KALRN: variants seen among roughly 807,000 people sequenced by gnomAD.
KALRN encodes kalirin.
KALRN carries 70 observed loss-of-function variants against 353.7 expected under a neutral mutation model. The observed-to-expected ratio is 0.20, with a 90% CI of 0.16 to 0.24. KALRN has a LOEUF of 0.24. Ranked by LOEUF, KALRN falls within the 10% of genes least tolerant of loss-of-function variation. The probability of loss-of-function intolerance (pLI) is 1.00; values close to 1 mark genes in which losing one functional copy is unlikely to be tolerated. For synonymous variants in KALRN, 1,391 were observed against 1,434.8 expected (o/e 0.97, Z 0.69); for missense variants, 2,791 against 3,756.7 (o/e 0.74, Z 6.72).
intron 18 of KALRN, among the ~76,000 whole-genome samples, chr3:124,439,964 T>C (rs904426625): frequency 1.3e-5 from 2 of 152,248 alleles, no homozygotes; most frequent in African/African-American, 4.8e-5. Flanking sequence ...CATGTTGCCA[T>C]TGATTTTATT....
chr3:124,444,635 C>CA (rs11370483), intron 19 of KALRN, among the ~76,000 whole-genome samples: 16,242 of 134,252 alleles, frequency 0.12, 1,125 homozygotes, highest in East Asian at 0.22. Context: ...CCCATCTCTA[C>CA]AAAAAAAAAA....
At chr3:124,139,149 T>C (rs2066311170) in intron 1 of KALRN, among the ~76,000 whole-genome samples, 1 of 152,108 alleles carries the variant, frequency 6.6e-6, no homozygotes, top group South Asian at 2.1e-4. Flanking sequence ...CTTTCTTTTT[T>C]CTCTTGGTTA....
intron 5 of KALRN, among the ~76,000 whole-genome samples, chr3:124,277,856 G>A (rs558204031): frequency 1.3e-5 from 2 of 152,324 alleles, no homozygotes; most frequent in South Asian, 4.1e-4. Flanking sequence ...CCATAGAACT[G>A]TGGACCCCTT....
chr3:124,711,471 G>A (rs1026974837), intron 57 of KALRN, among the ~76,000 whole-genome samples: 1 of 152,162 alleles, frequency 6.6e-6, no homozygotes, highest in Admixed American at 6.5e-5. Flanking sequence ...GAATGGGCTG[G>A]TCTTCAGACT....
rs192358406 is a variant in KALRN at position 124,693,939 on chromosome 3, C to T, written c.7405+108C>T. The T allele has an allele frequency of 7.8e-6, 6 of 764,534 alleles. No homozygotes were observed. The East Asian group carries it at 1.0e-4, about 13-fold the overall frequency. The allele number at this position is 764,534 out of a possible 1,614,324, so 47.4% of individuals were successfully genotyped here. ...AAGCAATGGTGATATAGTTCTGTAT[C>T]AATGGACAAGGAAAGAGGTTTATGA... is the stretch of plus-strand genomic sequence containing the variant. On this transcript the variant is annotated intron_variant, in intron 52 of 59. Transcript: ENST00000682506.
intron 15 of KALRN, among the ~76,000 whole-genome samples, chr3:124,425,241 T>C (rs1328458411): frequency 6.6e-6 from 1 of 152,180 alleles, no homozygotes; most frequent in African/African-American, 2.4e-5. Flanking sequence ...AACAATTTAT[T>C]GTATATTTCA....
At chr3:124,632,881 A>T (rs998146458) in intron 35 of KALRN, among the ~76,000 whole-genome samples, 178 bp downstream of exon 35, 1 of 152,228 alleles carries the variant, frequency 6.6e-6, no homozygotes, top group Non-Finnish European at 1.5e-5. Context: ...CTGATTCAGA[A>T]GCTGACTAGC....
intron 1 of KALRN, among the ~76,000 whole-genome samples, chr3:124,070,442 G>A (rs1225428807): frequency 6.6e-6 from 1 of 152,144 alleles, no homozygotes; most frequent in Non-Finnish European, 1.5e-5. Context: ...TTGCTTGAAT[G>A]TTCTTTGCAT....
At chr3:124,697,250 G>A (rs770551995) in intron 54 of KALRN, among the ~76,000 whole-genome samples, 4 of 152,238 alleles carry the variant, frequency 2.6e-5, no homozygotes, top group Non-Finnish European at 5.9e-5. Context: ...GGGAGAAAAT[G>A]TCCATTGTAA....
chr3:124,316,718 G>GA lies in KALRN; in HGVS notation c.1093-9259dup, dbSNP rs113194267. ...TCCCAGGCATATTTTATGTAACACT[G>GA]AAATAAAGATATAGTAAATATTTAT... On this transcript the variant is annotated intron_variant, in intron 6 of 59. Coordinates refer to ENST00000682506, the MANE Select transcript of KALRN (RefSeq NM_001388419.1). Among the ~76,000 whole-genome samples, 346 of 152,274 alleles carry GA rather than the reference G, an allele frequency of 2.3e-3. 3 individuals are homozygous for GA. Among genetic ancestry groups the GA allele is most frequent in the African/African-American group, 7.8e-3 (323 of 41,552 alleles).
chr3:124,533,100 T>G (rs1281746072), intron 33 of KALRN, among the ~76,000 whole-genome samples: 1 of 151,364 alleles, frequency 6.6e-6, no homozygotes, highest in Non-Finnish European at 1.5e-5. Context: ...TTTAAAAAAT[T>G]GTTTATGGCT....
chr3:124,633,895 A>T lies in KALRN; in HGVS notation c.5510A>T (p.His1837Leu). The T allele has an allele frequency of 1.2e-6, 2 of 1,614,158 alleles. No homozygotes were observed. The highest frequency in any genetic ancestry group is 2.2e-5 in the South Asian group (2 of 91,066). The change falls in exon 36 of 60, where the codon CAC (histidine) becomes CTC (leucine). Residue 1837 changes from histidine (H) to leucine (L), a missense_variant. His to Leu is a moderately conservative substitution (Grantham distance 99, BLOSUM62 -3). Transcript: ENST00000682506. ...WGEDEPDEES[H>L]TPLPPPMKIF... The stretch of plus-strand genomic sequence containing the variant: ...GAAGATGAGCCGGATGAAGAGTCAC[A>T]CACACCCCTCCCACCACCTATGAAG...
rs573924378 is a variant in KALRN, at chr3:124,048,422, C to T, written c.73+14609C>T. 7.9e-5 allele frequency among the ~76,000 whole-genome samples: 12 copies of T among 151,920 alleles called. 1 individual carries two copies. The South Asian group carries it at 2.5e-3, about 32-fold the overall frequency. On this transcript the variant is annotated intron_variant, in intron 1 of 59. Coordinates refer to ENST00000682506, the MANE Select transcript of KALRN (RefSeq NM_001388419.1). ...GGATCATGTTATACCTGTTATTCTG[C>T]AACTTGTTTTTATCATTTTATAATC... is the stretch of plus-strand genomic sequence containing the variant.
chr3:124,209,651 A>T (rs564169586), intron 1 of KALRN, among the ~76,000 whole-genome samples: 1 of 152,304 alleles, frequency 6.6e-6, no homozygotes, highest in East Asian at 1.9e-4. Context: ...CTAAGAAATT[A>T]TAGGGTAGAG....
At chr3:124,608,940 G>A (rs987976536) in intron 34 of KALRN, among the ~76,000 whole-genome samples, 1 of 152,166 alleles carries the variant, frequency 6.6e-6, no homozygotes, top group African/African-American at 2.4e-5. Context: ...CTTGAGCGCT[G>A]GGAGCCTGAG....
chr3:124,286,086 T>TTCCTTC (rs2075822766), intron 5 of KALRN, among the ~76,000 whole-genome samples: 2 of 107,500 alleles, frequency 1.9e-5, no homozygotes, highest in African/African-American at 7.4e-5. Flanking sequence ...TTCCTTCCTT[T>TTCCTTC]CTTTCTTTCT....
At chr3:124,495,344 G>A (rs2063589702) in intron 32 of KALRN, among the ~76,000 whole-genome samples, 1 of 152,116 alleles carries the variant, frequency 6.6e-6, no homozygotes, top group South Asian at 2.1e-4. Flanking sequence ...CCACACCCAG[G>A]AGTTGAAGGT....
chr3:124,530,617 C>G (rs1000563440), intron 33 of KALRN, among the ~76,000 whole-genome samples: 1 of 152,216 alleles, frequency 6.6e-6, no homozygotes, highest in East Asian at 1.9e-4. Flanking sequence ...TCTCAAACTC[C>G]TGACTTCAAG....
At chr3:124,437,598 G>A (rs573170885) in intron 17 of KALRN, among the ~76,000 whole-genome samples, 3 of 142,878 alleles carry the variant, frequency 2.1e-5, no homozygotes, top group Non-Finnish European at 4.5e-5. Context: ...CCTGAGGCAG[G>A]AGAATCCCTT....
Sources: allele counts gnomAD v4.1 joint callset (sites outside exome capture counted in the v4.1 genomes callset), GRCh38; gene constraint gnomAD v4.1.1; transcripts MANE v1.5; gene names NCBI Gene and HGNC (gene_info 2026-07-23, HGNC 2026-07-21).